Variants in BSN observed in about 807,000 individuals in gnomAD.
BSN encodes the protein bassoon presynaptic cytomatrix protein, also known as protein bassoon.
BSN carries 57 observed loss-of-function variants against 264.8 expected under a neutral mutation model. The observed-to-expected ratio is 0.22, with a 90% confidence interval of 0.17 to 0.27. The LOEUF is 0.27. Ranked by LOEUF, BSN falls within the 10% of genes least tolerant of loss-of-function variation. The pLI, the probability that BSN is intolerant of heterozygous loss-of-function variation, is 1.00. For synonymous variants in BSN, 2,059 were observed against 2,137.3 expected (o/e 0.96, Z 1.01); for missense variants, 4,615 against 5,232.5 (o/e 0.88, Z 3.64).
At position 49,658,077 on chromosome 3, in the gene BSN, C is replaced by T. The variant is rs748335384; in HGVS notation, c.8521C>T (p.Arg2841Cys). 11 of 1,613,360 alleles carry T rather than the reference C, an allele frequency of 6.8e-6. No individual in the cohort carries two copies. Among genetic ancestry groups the T allele is most frequent in the East Asian group, 4.5e-5 (2 of 44,886 alleles). The change falls in exon 5 of 12, where the codon CGC becomes TGC. Residue 2841 changes from arginine (R) to cysteine (C), a missense_variant. Physicochemically the swap from Arg to Cys is radical, Grantham distance 180. This residue lies in a region of BSN where 3,415 missense variants were observed against 3,866.4 expected (regional missense o/e 0.88). Transcript: ENST00000296452. ...CGCTCTCCGCCAGCAGACGCTGCCT[C>T]GCCCCATGAAGACCCTGCAGCGGTC... Reference protein sequence around the residue: ...DSALRQQTLPRPMKTLQRSLS... With the variant: ...DSALRQQTLPCPMKTLQRSLS...
intron 1 of BSN, among the ~76,000 whole-genome samples, chr3:49,563,170 T>A (rs924635966): frequency 6.6e-6 from 1 of 152,210 alleles, no homozygotes; most frequent in Admixed American, 6.5e-5. Flanking sequence ...TTTTTCAGAA[T>A]GGACAAGATG....
chr3:49,656,329 T>G lies in BSN; in HGVS notation c.6773T>G (p.Leu2258Arg), dbSNP rs1393780395. The G allele has an allele frequency of 6.2e-7, 1 of 1,612,500 alleles. No individual in the cohort carries two copies. Among genetic ancestry groups the G allele is most frequent in the Non-Finnish European group, 8.5e-7 (1 of 1,179,644 alleles). Reference sequence around the variant, plus strand: ...CGGGTACCTCTTGGACCCACAGGGCTGTACCGCTATCCTGCACCAAGTAGA... The same window carrying G: ...CGGGTACCTCTTGGACCCACAGGGCGGTACCGCTATCCTGCACCAAGTAGA... ...APRVPLGPTG[L>R]YRYPAPSRFP... Residue 2258 changes from leucine to arginine, a missense_variant, in exon 5 of 12, where the codon CTG becomes CGG. Leu to Arg is a moderately radical substitution (Grantham distance 102, BLOSUM62 -2). Transcript: ENST00000296452.
Position 49,625,404 on chromosome 3 carries a change from T to G in BSN, c.633+21T>G. On this transcript the variant is annotated intron_variant, in intron 2 of 11. Coordinates refer to ENST00000296452, the MANE Select transcript of BSN (RefSeq NM_003458.4). The surrounding 1 kb of genome is among the most constrained non-coding windows in gnomAD (Gnocchi z 4.4). ...CCCAGGTAACCACTTCTGCGCCGGC[T>G]CCCCACTCACCTGCTACCTCATTAC... 6.9e-7 allele frequency: 1 copy of G among 1,447,856 alleles called. No individual in the cohort carries two copies. The highest frequency in any genetic ancestry group is 9.1e-7 in the Non-Finnish European group (1 of 1,101,634). The allele number at this position is 1,447,856 out of a possible 1,614,324, so 89.7% of individuals were successfully genotyped here. A position where few individuals can be genotyped will look rare whatever the true frequency, so the allele number is the denominator to read the frequency against.
chr3:49,661,245 G>T lies in BSN; in HGVS notation c.9400G>T (p.Val3134Phe). Reference protein sequence around the residue: ...MPTTQSTLFPVPADSRAPLQK... With the variant: ...MPTTQSTLFPFPADSRAPLQK... ...AACCACACAGAGCACCCTTTTTCCA[G>T]TCCCCGCTGATAGCCGTGCCCCACT... The change falls in exon 6 of 12, where the codon GTC becomes TTC. Residue 3134 changes from valine to phenylalanine, a missense_variant. Coordinates refer to ENST00000296452, the MANE Select transcript of BSN (RefSeq NM_003458.4). The T allele has an allele frequency of 6.2e-7, 1 of 1,613,674 alleles. No homozygotes were observed. Among genetic ancestry groups the T allele is most frequent in the Non-Finnish European group, 8.5e-7 (1 of 1,180,030 alleles).
chr3:49,627,735 G>A (rs1383387903), intron 2 of BSN, among the ~76,000 whole-genome samples: 1 of 152,218 alleles, frequency 6.6e-6, no homozygotes, highest in Non-Finnish European at 1.5e-5. Context: ...GAAGTTAGGT[G>A]TCTGGGTGGG....
chr3:49,575,626 G>GTA (rs896472662), intron 1 of BSN, among the ~76,000 whole-genome samples: 59 of 104,730 alleles, frequency 5.6e-4, no homozygotes, highest in Non-Finnish European at 8.9e-4. Context: ...TATATATATA[G>GTA]TATATATATG....
intron 1 of BSN, among the ~76,000 whole-genome samples, chr3:49,578,194 C>G (rs1434987019): frequency 6.6e-6 from 1 of 152,026 alleles, no homozygotes; most frequent in Non-Finnish European, 1.5e-5. Context: ...CAGGACCGTC[C>G]TTGTTGCCCA....
intron 1 of BSN, among the ~76,000 whole-genome samples, chr3:49,575,628 A>G (rs1283943501): frequency 9.8e-6 from 1 of 102,554 alleles, no homozygotes; most frequent in Non-Finnish European, 1.8e-5. Context: ...TATATATAGT[A>G]TATATATGTA....
At position 49,580,580 on chromosome 3, in the gene BSN, C is replaced by T. The variant is rs962545993; in HGVS notation, c.224+25754C>T. 2.0e-5 allele frequency among the ~76,000 whole-genome samples: 3 copies of T among 152,180 alleles called. No individual in the cohort carries two copies. The East Asian group carries it at 5.8e-4, about 29-fold the overall frequency. On this transcript the variant is annotated intron_variant, in intron 1 of 11. Transcript: ENST00000296452. ...CCGGGCTCAAGCAGTCCTCTCATCT[C>T]AGCCTCCCAAAGGGACTACAGTCAT...
chr3:49,642,408 G>C lies in BSN; in HGVS notation c.774G>C (p.Leu258=). Residue 258 remains leucine (L), a synonymous_variant, in exon 3 of 12, where the codon CTG becomes CTC. Transcript: ENST00000296452. The surrounding 1 kb of genome is among the most constrained non-coding windows in gnomAD (Gnocchi z 7.0). The part of the protein sequence containing the change: ...SPAHSPAKQP[L]GKPDQERSRG... ...CCCACTCCCCGGCCAAACAGCCCCT[G>C]GGGAAGCCAGACCAAGAGAGATCTC... 6.2e-7 allele frequency: 1 copy of C among 1,601,342 alleles called. No homozygotes were observed. The highest frequency in any genetic ancestry group is 1.1e-5 in the South Asian group (1 of 89,126).
intron 1 of BSN, among the ~76,000 whole-genome samples, chr3:49,587,887 TTTTTC>T (rs58072178): frequency 0.027 from 3,241 of 121,562 alleles, 123 homozygotes; most frequent in African/African-American, 0.086. Context: ...AAAGTTGGGG[TTTTTC>T]TTTTCTTTTC....
At chr3:49,584,086 C>T (rs1421882684) in intron 1 of BSN, among the ~76,000 whole-genome samples, 4 of 151,888 alleles carry the variant, frequency 2.6e-5, no homozygotes, top group African/African-American at 7.3e-5. Context: ...GGGGTTTCAC[C>T]GTGTTAGCCA....
intron 1 of BSN, among the ~76,000 whole-genome samples, chr3:49,563,681 T>C (rs1370309218): frequency 6.6e-6 from 1 of 152,234 alleles, no homozygotes; most frequent in East Asian, 1.9e-4. Context: ...CGAAGTGTGG[T>C]TTGGCTTCAG....
chr3:49,608,946 G>A (rs2052181279), intron 1 of BSN, among the ~76,000 whole-genome samples: 1 of 152,084 alleles, frequency 6.6e-6, no homozygotes, highest in Non-Finnish European at 1.5e-5. Flanking sequence ...GGCCAAAGGG[G>A]GCCCACAAGC....
At position 49,653,223 on chromosome 3, in the gene BSN, G is replaced by C; in HGVS notation, c.3667G>C (p.Gly1223Arg). The change falls in exon 5 of 12, where the codon GGC (glycine) becomes CGC (arginine). Residue 1223 changes from glycine to arginine, a missense_variant. By Grantham distance (125) the Gly-to-Arg change is moderately radical. Coordinates refer to ENST00000296452, the MANE Select transcript of BSN (RefSeq NM_003458.4). The surrounding 1 kb of genome is among the most constrained non-coding windows in gnomAD (Gnocchi z 6.3). ...GGPSQPTGPR[G>R]LGSFEYQDTT... ...CCCCTCTCAGCCCACAGGCCCCCGGGGCCTGGGCTCCTTCGAATATCAAGA... is the reference window on the plus strand; with the variant it reads ...CCCCTCTCAGCCCACAGGCCCCCGGCGCCTGGGCTCCTTCGAATATCAAGA... 6.2e-7 allele frequency: 1 copy of C among 1,612,104 alleles called. No homozygotes were observed. The highest frequency in any genetic ancestry group is 1.7e-4 in the Middle Eastern group (1 of 6,054).
chr3:49,654,924 C>T lies in BSN; in HGVS notation c.5368C>T (p.Pro1790Ser), dbSNP rs757062848. 1 of 1,611,506 alleles carries T rather than the reference C, an allele frequency of 6.2e-7. No individual in the cohort carries two copies. Among genetic ancestry groups the T allele is most frequent in the Non-Finnish European group, 8.5e-7 (1 of 1,178,656 alleles). ...AVQTAPYRSGPRGRPREAKFA... is the reference protein window; with the variant it reads ...AVQTAPYRSGSRGRPREAKFA... The stretch of plus-strand genomic sequence containing the variant: ...CCAGACAGCCCCATACCGAAGTGGG[C>T]CCCGGGGAAGACCCAGGGAGGCCAA... The change falls in exon 5 of 12, where the codon CCC (proline) becomes TCC (serine). Residue 1790 changes from proline (P) to serine (S), a missense_variant. Pro to Ser is a moderately conservative substitution (Grantham distance 74). Around this residue, in one of 3 missense-constraint regions of BSN, gnomAD observed 3,415 missense variants for 3,866.4 expected, o/e 0.88. Coordinates refer to ENST00000296452, the MANE Select transcript of BSN (RefSeq NM_003458.4). This position sits in a 1 kb window ranked among gnomAD's most constrained non-coding sequence, Gnocchi z 4.1.
At chr3:49,667,308 CAAAA>C (rs34434564) in intron 11 of BSN, among the ~76,000 whole-genome samples, 15 of 118,062 alleles carry the variant, frequency 1.3e-4, no homozygotes, top group Admixed American at 4.9e-4. Context: ...ACTCTTAAGC[CAAAA>C]AAAAAAAAAA....
intron 2 of BSN, among the ~76,000 whole-genome samples, chr3:49,634,123 G>C (rs927881030): frequency 9.9e-5 from 15 of 151,944 alleles, no homozygotes; most frequent in African/African-American, 3.4e-4. Flanking sequence ...CAGGGGAATT[G>C]CTTGAACCCA....
intron 3 of BSN, among the ~76,000 whole-genome samples, chr3:49,647,263 G>A (rs1195783527): frequency 6.6e-6 from 1 of 152,198 alleles, no homozygotes; most frequent in Non-Finnish European, 1.5e-5. Flanking sequence ...CGTGCCTAGA[G>A]GGCACCCCAC....
Sources: gnomAD v4.1 joint callset for allele counts (sites outside exome capture counted in the v4.1 genomes callset) on GRCh38, gnomAD v4.1.1 for gene constraint, gnomAD v4.1.1 regional missense constraint, Gnocchi (gnomAD v3.1) non-coding constraint, MANE v1.5 for transcripts, NCBI Gene and HGNC (gene_info 2026-07-23, HGNC 2026-07-21) for gene names.